PDIA5: variants seen among roughly 807,000 people sequenced by gnomAD.
PDIA5 encodes the protein protein disulfide isomerase family A member 5, also known as protein disulfide-isomerase A5.
PDIA5 carries 58 observed loss-of-function variants against 77.6 expected under a neutral mutation model. The ratio of observed to expected loss-of-function variants is 0.75; its 90% CI spans 0.61 to 0.93. The LOEUF (loss-of-function observed/expected upper bound fraction) is 0.93, where lower values mean the gene tolerates loss of function less well. Ranked by LOEUF, PDIA5 falls within the 40% of genes least tolerant of loss-of-function variation. The pLI is 0.00. For synonymous variants in PDIA5, 250 were observed against 252.1 expected, an observed-to-expected ratio of 0.99 and a Z score of 0.08; for missense variants, 630 against 647.7, an observed-to-expected ratio of 0.97 and a Z score of 0.30.
At chr3:123,121,983 G>C (rs1935132027) in intron 8 of PDIA5, among the ~76,000 whole-genome samples, 1 of 152,206 alleles carries the variant, frequency 6.6e-6, no homozygotes, top group African/African-American at 2.4e-5. Flanking sequence ...CACTCAGCAA[G>C]ATGTCTGAGA....
At chr3:123,089,953 C>T (rs1285343841) in intron 2 of PDIA5, among the ~76,000 whole-genome samples, 2 of 152,204 alleles carry the variant, frequency 1.3e-5, no homozygotes, top group Non-Finnish European at 1.5e-5. Context: ...GGAGGGTGAA[C>T]GCTGACTCTG....
chr3:123,098,597 C>T (rs1214234266), intron 3 of PDIA5, among the ~76,000 whole-genome samples: 2 of 152,032 alleles, frequency 1.3e-5, no homozygotes, highest in Non-Finnish European at 2.9e-5. Context: ...GAAGTGTGTA[C>T]AGGCATCTGC....
At chr3:123,145,982 C>A in intron 12 of PDIA5, 117 bp from the exon 13 acceptor site, 3 of 927,556 alleles carry the variant, frequency 3.2e-6, no homozygotes, top group Non-Finnish European at 5.0e-6. Context: ...GGGCTAGCCA[C>A]CCCAGTTAAA....
At position 123,136,725 on chromosome 3, in the gene PDIA5, CAAAAAAAA is replaced by C. The variant is rs59022235; in HGVS notation, c.910+6126_910+6133del. ...TTGCACTCCAGCCTGGGTGACAAGA[CAAAAAAAA>C]AAAAAAAAAAAAAAAAGGGGGTTGG... On this transcript the variant is annotated intron_variant, in intron 11 of 16. Transcript: ENST00000316218. 7.4e-4 allele frequency among the ~76,000 whole-genome samples: 53 copies of C among 71,534 alleles called. 1 individual carries two copies. The highest frequency in any genetic ancestry group is 1.8e-4 in the Non-Finnish European group (7 of 39,784). The allele number at this position is 71,534 out of a possible 152,430, so 46.9% of individuals were successfully genotyped here. A position where few individuals can be genotyped will look rare whatever the true frequency, so the allele number is the denominator to read the frequency against.
In PDIA5 at chr3:123,067,085, C is replaced by T; in HGVS notation, c.-80C>T. ...CTGGGAAGTGGCCGTGGTGGTTGGC[C>T]GCGGTGGAGCTAGCAGGCGGGCGGG... On this transcript the variant is annotated 5_prime_UTR_variant, in exon 1 of 17. Transcript: ENST00000316218. 2 of 1,159,748 alleles carry T rather than the reference C, an allele frequency of 1.7e-6. No homozygotes were observed. The highest frequency in any genetic ancestry group is 2.2e-6 in the Non-Finnish European group (2 of 919,950). 71.8% of individuals were successfully genotyped at this position (1,159,748 alleles called of 1,614,324 possible).
intron 3 of PDIA5, among the ~76,000 whole-genome samples, chr3:123,093,393 G>C (rs565622597): frequency 6.6e-6 from 1 of 152,308 alleles, no homozygotes; most frequent in South Asian, 2.1e-4. Context: ...TGGTCCAAAA[G>C]TGTGCTTGCC....
chr3:123,102,335 C>A, intron 3 of PDIA5, 76 bp from the exon 4 acceptor site: 1 of 1,066,946 alleles, frequency 9.4e-7, no homozygotes, highest in Non-Finnish European at 1.5e-6. Context: ...TTTCTTAGGA[C>A]ACCAGCAGAT....
At chr3:123,099,344 A>G (rs1282072150) in intron 3 of PDIA5, among the ~76,000 whole-genome samples, 1 of 152,198 alleles carries the variant, frequency 6.6e-6, no homozygotes, top group Admixed American at 6.5e-5. Context: ...CACTGGGGAG[A>G]TAGCTGTGCA....
intron 3 of PDIA5, among the ~76,000 whole-genome samples, chr3:123,093,960 G>T (rs3792360): frequency 6.6e-6 from 1 of 152,106 alleles, no homozygotes; most frequent in African/African-American, 2.4e-5. Flanking sequence ...GTCCCTGAGC[G>T]GCCTGGAAAA....
intron 2 of PDIA5, among the ~76,000 whole-genome samples, chr3:123,089,690 C>T (rs1232935578): frequency 6.6e-6 from 1 of 152,254 alleles, no homozygotes; most frequent in Non-Finnish European, 1.5e-5. Context: ...ATTAACTGGC[C>T]AGGCCGGCCT....
chr3:123,083,600 C>A (rs1041006538), intron 1 of PDIA5, among the ~76,000 whole-genome samples: 2 of 152,222 alleles, frequency 1.3e-5, no homozygotes, highest in Non-Finnish European at 2.9e-5. Flanking sequence ...AGCCCAGGAA[C>A]AATGCCGTGG....
In PDIA5 at chr3:123,155,022, C is replaced by A; in HGVS notation, c.1325C>A (p.Ala442Asp). ...CCGCACTTTACTGCTACTGCTGATG[C>A]CTTCAAAGATGACCGAAAGGTAAGG... ...VIPHFTATAD[A>D]FKDDRKIACA... is the part of the protein sequence containing the mutation. Residue 442 changes from alanine to aspartate, a missense_variant, in exon 15 of 17, where the codon GCC (alanine) becomes GAC (aspartate). Coordinates refer to ENST00000316218, the MANE Select transcript of PDIA5 (RefSeq NM_006810.4). 1 of 1,611,116 alleles carries A rather than the reference C, an allele frequency of 6.2e-7. No homozygotes were observed. The highest frequency in any genetic ancestry group is 1.1e-5 in the South Asian group (1 of 91,010).
At chr3:123,106,394 A>C (rs1258605971) in intron 5 of PDIA5, among the ~76,000 whole-genome samples, 1 of 152,244 alleles carries the variant, frequency 6.6e-6, no homozygotes. Flanking sequence ...GATGAGATTT[A>C]GTAGAAGCAC....
chr3:123,087,943 C>T (rs1934184104), intron 1 of PDIA5, among the ~76,000 whole-genome samples: 1 of 152,150 alleles, frequency 6.6e-6, no homozygotes, highest in Non-Finnish European at 1.5e-5. Flanking sequence ...TAATCTGTTG[C>T]CTGGGGAATA....
intron 3 of PDIA5, among the ~76,000 whole-genome samples, chr3:123,102,085 T>C (rs997269506): frequency 3.9e-5 from 6 of 152,016 alleles, no homozygotes; most frequent in Non-Finnish European, 7.4e-5. Flanking sequence ...AATTTTTGTA[T>C]TTTTAGTAGA....
At chr3:123,106,963 T>C in intron 6 of PDIA5, 122 bp downstream of exon 6, 1 of 713,684 alleles carries the variant, frequency 1.4e-6, no homozygotes, top group Non-Finnish European at 2.4e-6. Context: ...GTACTTTTCC[T>C]CTAGGGAAGC....
intron 3 of PDIA5, among the ~76,000 whole-genome samples, chr3:123,095,504 C>T (rs1407925617): frequency 6.6e-6 from 1 of 152,122 alleles, no homozygotes; most frequent in African/African-American, 2.4e-5. Flanking sequence ...AATCCCAGCA[C>T]TTTGGGAAGC....
chr3:123,118,373 T>TA (rs1935039902), intron 8 of PDIA5, among the ~76,000 whole-genome samples: 1 of 152,214 alleles, frequency 6.6e-6, no homozygotes, highest in Non-Finnish European at 1.5e-5. Context: ...TGCACCCGCA[T>TA]ACACTTAGAA....
rs762810905 is a variant in PDIA5 at position 123,089,199 on chromosome 3, A to C, written c.74A>C (p.Lys25Thr). The C allele has an allele frequency of 6.2e-7, 1 of 1,613,894 alleles. No homozygotes were observed. Among genetic ancestry groups the C allele is most frequent in the African/African-American group, 1.3e-5 (1 of 74,920 alleles). Residue 25 changes from lysine (K) to threonine (T), a missense_variant, in exon 2 of 17, where the codon AAG becomes ACG. Transcript: ENST00000316218. ...VVLPSWLSSA[K>T]VSSLIERISD... ...CTGCCATCATGGCTGTCCTCTGCAA[A>C]GGTCTCCTCGCTCATTGAGAGAATC...
Sources: gnomAD v4.1 joint callset for allele counts (sites outside exome capture counted in the v4.1 genomes callset) on GRCh38, gnomAD v4.1.1 for gene constraint, MANE v1.5 for transcripts, NCBI Gene and HGNC (gene_info 2026-07-23, HGNC 2026-07-21) for gene names.